Variants in CERT1 observed in about 807,000 individuals in gnomAD.
The protein encoded by CERT1 is ceramide transporter 1.
A neutral mutation model predicts 87.9 loss-of-function variants in CERT1; 31 were observed. The ratio of observed to expected loss-of-function variants is 0.35; its 90% CI spans 0.27 to 0.48. The LOEUF (loss-of-function observed/expected upper bound fraction) is 0.48, where lower values mean the gene tolerates loss of function less well. CERT1 is among the 20% of genes least tolerant of loss of function. CERT1 has a pLI of 0.99. For synonymous variants in CERT1, 289 were observed against 250.9 expected, an observed-to-expected ratio of 1.15 and a Z score of -1.44; for missense variants, 487 against 758.0, an observed-to-expected ratio of 0.64 and a Z score of 4.20.
At chr5:75,448,239 A>G (rs1253754611) in intron 3 of CERT1, among the ~76,000 whole-genome samples, 4 of 152,216 alleles carry the variant, frequency 2.6e-5, no homozygotes, top group African/African-American at 9.6e-5. Context: ...TCTATATATC[A>G]GAGGAGTACT....
chr5:75,384,920 T>C (rs759512156), intron 13 of CERT1, among the ~76,000 whole-genome samples: 2 of 152,134 alleles, frequency 1.3e-5, no homozygotes, highest in Non-Finnish European at 1.5e-5. Flanking sequence ...GGAAGCCTCA[T>C]TTTCTTTGGC....
intron 9 of CERT1, 137 bp downstream of exon 9, chr5:75,402,835 T>C (rs1423069105): frequency 5.6e-6 from 3 of 532,284 alleles, no homozygotes; most frequent in Non-Finnish European, 1.0e-5. Context: ...CATTTGTGAC[T>C]CAATGTATTC....
intron 12 of CERT1, among the ~76,000 whole-genome samples, chr5:75,387,516 C>A (rs911947477): frequency 1.3e-5 from 2 of 151,722 alleles, no homozygotes; most frequent in African/African-American, 4.8e-5. Context: ...CCGAGGCGGG[C>A]GGATCACCTG....
Position 75,499,327 on chromosome 5 carries a change from T to C in CERT1, c.231+6655A>G, listed in dbSNP as rs184016276. On this transcript the variant is annotated intron_variant, in intron 2 of 16. Transcript: ENST00000643780. ...AGGGGCCAGGGGCAGAATGATACAG[T>C]TTGGCTGTGTCCCCACCCAAATCTC... is the stretch of plus-strand genomic sequence containing the variant. Among the ~76,000 whole-genome samples, 1,279 of 152,216 alleles carry C rather than the reference T, an allele frequency of 8.4e-3. 9 individuals carry two copies. Among genetic ancestry groups the C allele is most frequent in the South Asian group, 0.022 (107 of 4,824 alleles).
intron 8 of CERT1, among the ~76,000 whole-genome samples, chr5:75,404,864 T>C (rs1323423544): frequency 6.6e-6 from 1 of 151,756 alleles, no homozygotes; most frequent in African/African-American, 2.4e-5. Context: ...CAAAAATCAG[T>C]GGGTGTGGTG....
intron 3 of CERT1, among the ~76,000 whole-genome samples, chr5:75,446,392 T>C (rs1408809356): frequency 1.3e-5 from 2 of 152,170 alleles, no homozygotes; most frequent in African/African-American, 2.4e-5. Flanking sequence ...ATTTTGTTCA[T>C]TTATCTTTTT....
At chr5:75,437,304 A>C (rs966592264) in intron 3 of CERT1, among the ~76,000 whole-genome samples, 7 of 152,218 alleles carry the variant, frequency 4.6e-5, no homozygotes, top group African/African-American at 1.7e-4. Flanking sequence ...TCTTACAACA[A>C]AGACATGATA....
Position 75,379,303 on chromosome 5 carries a change from A to C in CERT1, c.*43T>G, listed in dbSNP as rs947136331. 6.6e-7 allele frequency: 1 copy of C among 1,522,378 alleles called. No individual in the cohort carries two copies. The highest frequency in any genetic ancestry group is 9.0e-7 in the Non-Finnish European group (1 of 1,116,684). The allele number at this position is 1,522,378 out of a possible 1,614,324, so 94.3% of individuals were successfully genotyped here. ...TATTGACAGTCATATTAGTCAAATA[A>C]AGTTAAAAAAAGATAAAACATATCT... On this transcript the variant is annotated 3_prime_UTR_variant, in exon 17 of 17. Coordinates refer to ENST00000643780, the MANE Select transcript of CERT1 (RefSeq NM_001379029.1).
At chr5:75,511,025 C>A in intron 1 of CERT1, 87 bp downstream of exon 1, 1 of 1,435,532 alleles carries the variant, frequency 7.0e-7, no homozygotes, top group African/African-American at 1.4e-5. Context: ...TTCCGCGCCT[C>A]CCGCCAGCCC....
At chr5:75,452,571 G>A (rs140967754) in intron 3 of CERT1, among the ~76,000 whole-genome samples, 1 of 152,110 alleles carries the variant, frequency 6.6e-6, no homozygotes, top group East Asian at 1.9e-4. Flanking sequence ...TCTAATTGTA[G>A]AAGATTCTGA....
chr5:75,444,660 T>G (rs1275159488), intron 3 of CERT1, among the ~76,000 whole-genome samples: 1 of 149,684 alleles, frequency 6.7e-6, no homozygotes, highest in Non-Finnish European at 1.5e-5. Context: ...GATTCTCCTA[T>G]CTCAGCCTCC....
intron 3 of CERT1, among the ~76,000 whole-genome samples, chr5:75,451,435 A>G (rs1048515106): frequency 6.6e-6 from 1 of 152,186 alleles, no homozygotes; most frequent in Non-Finnish European, 1.5e-5. Flanking sequence ...GAATGTAAAG[A>G]GGAAGTAAAA....
chr5:75,407,754 G>C (rs753957065), intron 8 of CERT1, among the ~76,000 whole-genome samples: 3 of 151,816 alleles, frequency 2.0e-5, no homozygotes, highest in Non-Finnish European at 4.4e-5. Flanking sequence ...AATATTAAAA[G>C]CCAGTGCCCT....
intron 8 of CERT1, among the ~76,000 whole-genome samples, chr5:75,409,693 AT>A (rs1159046181): frequency 1.3e-5 from 2 of 151,772 alleles, no homozygotes; most frequent in Non-Finnish European, 2.9e-5. Context: ...CGCCCGGCTA[AT>A]TTTTGCATTT....
At chr5:75,510,953 C>T (rs1274827756) in intron 1 of CERT1, among the ~76,000 whole-genome samples, 159 bp downstream of exon 1, 1 of 152,178 alleles carries the variant, frequency 6.6e-6, no homozygotes, top group African/African-American at 2.4e-5. Context: ...AAGGACAGTG[C>T]CCCTATATCC....
At chr5:75,501,721 G>A (rs1455490814) in intron 2 of CERT1, among the ~76,000 whole-genome samples, 2 of 152,010 alleles carry the variant, frequency 1.3e-5, no homozygotes, top group Admixed American at 1.3e-4. Context: ...TGATGAAAGT[G>A]GTGTTTGAAA....
At chr5:75,380,196 T>C (rs1412583047) in intron 16 of CERT1, among the ~76,000 whole-genome samples, 1 of 152,050 alleles carries the variant, frequency 6.6e-6, no homozygotes, top group Non-Finnish European at 1.5e-5. Flanking sequence ...GCAAAGCAGG[T>C]GAAGTAAGGA....
chr5:75,411,721 AG>A (rs1762941635), intron 7 of CERT1, among the ~76,000 whole-genome samples: 1 of 152,202 alleles, frequency 6.6e-6, no homozygotes, highest in Non-Finnish European at 1.5e-5. Flanking sequence ...AAAAAAACCC[AG>A]GTAAATTAGC....
At chr5:75,416,018 T>C (rs1305948479) in intron 7 of CERT1, among the ~76,000 whole-genome samples, 1 of 152,162 alleles carries the variant, frequency 6.6e-6, no homozygotes, top group Non-Finnish European at 1.5e-5. Flanking sequence ...CCTAAACACA[T>C]AGTGCTATCA....
Sources: gnomAD v4.1 joint callset for allele counts (sites outside exome capture counted in the v4.1 genomes callset) on GRCh38, gnomAD v4.1.1 for gene constraint, MANE v1.5 for transcripts, NCBI Gene and HGNC (gene_info 2026-07-23, HGNC 2026-07-21) for gene names.